The following BAALC variants were observed in gnomAD, a reference collection of about 807,000 sequenced individuals.
The protein encoded by BAALC is brain and acute leukemia cytoplasmic protein.
A neutral mutation model predicts 15.5 loss-of-function variants in BAALC; 9 were observed. The observed-to-expected ratio is 0.58, with a 90% CI of 0.35 to 1.02. The LOEUF (loss-of-function observed/expected upper bound fraction) is 1.02. Ranked by LOEUF, BAALC falls within the 50% of genes least tolerant of loss-of-function variation. The pLI is 0.02. For missense variants in BAALC, 201 were observed against 192.4 expected (o/e 1.04, Z -0.27); for synonymous variants, 80 against 74.6 (o/e 1.07, Z -0.37).
At chr8:103,147,182 C>T (rs1810895469) in intron 1 of BAALC, among the ~76,000 whole-genome samples, 1 of 152,160 alleles carries the variant, frequency 6.6e-6, no homozygotes, top group Non-Finnish European at 1.5e-5. Context: ...GATATCAGTC[C>T]ATTGAACCTT....
chr8:103,205,361 A>T (rs1378143652), intron 1 of BAALC, among the ~76,000 whole-genome samples: 4 of 152,148 alleles, frequency 2.6e-5, no homozygotes, highest in African/African-American at 7.2e-5. Context: ...CAGTGATTTG[A>T]CTTGTTTCCT....
chr8:103,202,688 T>C (rs758366949), intron 1 of BAALC: 4 of 152,226 alleles, frequency 2.6e-5, no homozygotes, highest in East Asian at 1.9e-4. Context: ...CCTAGCAATA[T>C]TGCATACCTT....
At chr8:103,170,575 T>C (rs1235735428) in intron 1 of BAALC, among the ~76,000 whole-genome samples, 1 of 152,128 alleles carries the variant, frequency 6.6e-6, no homozygotes. Context: ...CAAGGAACAC[T>C]ACGGACTGTC....
At chr8:103,175,118 G>A (rs1288687803) in intron 1 of BAALC, among the ~76,000 whole-genome samples, 1 of 152,108 alleles carries the variant, frequency 6.6e-6, no homozygotes, top group African/African-American at 2.4e-5. Flanking sequence ...CTAAACAGTT[G>A]AAAGCCCAGA....
At chr8:103,202,617 G>C (rs1345578658) in intron 1 of BAALC, among the ~76,000 whole-genome samples, 1 of 152,242 alleles carries the variant, frequency 6.6e-6, no homozygotes, top group African/African-American at 2.4e-5. Flanking sequence ...AAGAGCATAA[G>C]AGAAGTGTTT....
At chr8:103,146,588 A>G (rs1810886508) in intron 1 of BAALC, among the ~76,000 whole-genome samples, 1 of 152,210 alleles carries the variant, frequency 6.6e-6, no homozygotes, top group African/African-American at 2.4e-5. Context: ...ACCCTGAGTA[A>G]CTTCTCATAA....
At chr8:103,183,277 TG>T in intron 1 of BAALC, 1 of 692,768 alleles carries the variant, frequency 1.4e-6, no homozygotes, top group Admixed American at 2.0e-5. Context: ...CCAAAGATGA[TG>T]GGAAGTGGAG....
At chr8:103,180,643 G>A (rs983425056) in intron 1 of BAALC, among the ~76,000 whole-genome samples, 2 of 152,210 alleles carry the variant, frequency 1.3e-5, no homozygotes, top group Admixed American at 6.5e-5. Context: ...TGTAGGGAGA[G>A]GATTAGACAA....
chr8:103,154,499 C>T (rs569285005), intron 1 of BAALC: 1 of 152,992 alleles, frequency 6.5e-6, no homozygotes, highest in South Asian at 2.1e-4. Context: ...CAGCTGGGAT[C>T]ATTATTGTGT....
intron 1 of BAALC, among the ~76,000 whole-genome samples, chr8:103,143,927 C>T (rs1049056891): frequency 6.6e-6 from 1 of 152,168 alleles, no homozygotes; most frequent in Non-Finnish European, 1.5e-5. Context: ...ATTCTTCCAA[C>T]GGCCTTTCTG....
At chr8:103,224,137 G>GTGTGTT (rs1812745571) in intron 2 of BAALC, among the ~76,000 whole-genome samples, 1 of 145,566 alleles carries the variant, frequency 6.9e-6, no homozygotes, top group African/African-American at 2.6e-5. Context: ...GTGTGTGTGT[G>GTGTGTT]TTTAGCAGGC....
intron 1 of BAALC, among the ~76,000 whole-genome samples, chr8:103,170,838 TAGAAATGGAAGATGCTTTG>T (rs1318523441): frequency 6.6e-6 from 1 of 152,206 alleles, no homozygotes; most frequent in East Asian, 1.9e-4. Flanking sequence ...TCAGTATTCT[TAGAAATGGAAGATGCTTTG>T]AGAAATGGAA....
intron 1 of BAALC, among the ~76,000 whole-genome samples, chr8:103,152,731 GC>G (rs1811012427): frequency 6.6e-6 from 1 of 152,190 alleles, no homozygotes; most frequent in African/African-American, 2.4e-5. Flanking sequence ...ATGGGATTTA[GC>G]CCATGGAAGG....
chr8:103,174,522 C>T (rs1811565872), intron 1 of BAALC, among the ~76,000 whole-genome samples: 1 of 152,184 alleles, frequency 6.6e-6, no homozygotes, highest in African/African-American at 2.4e-5. Context: ...AACTTGTGAA[C>T]TGCAAAGATG....
intron 2 of BAALC, 138 bp downstream of exon 2, chr8:103,213,223 C>A: frequency 9.8e-7 from 1 of 1,021,568 alleles, no homozygotes; most frequent in Non-Finnish European, 1.4e-6. Context: ...TCTGCCCCAC[C>A]CATGTAAAAA....
At chr8:103,190,052 C>A (rs190353807) in intron 1 of BAALC, among the ~76,000 whole-genome samples, 1 of 151,844 alleles carries the variant, frequency 6.6e-6, no homozygotes, top group Admixed American at 6.6e-5. Context: ...TCGTGTCAGA[C>A]GTGATTATAG....
chr8:103,193,971 C>G (rs1812033938), intron 1 of BAALC, among the ~76,000 whole-genome samples: 1 of 152,126 alleles, frequency 6.6e-6, no homozygotes, highest in Non-Finnish European at 1.5e-5. Flanking sequence ...AAAATGGAGT[C>G]AAATTCAGAG....
intron 1 of BAALC, among the ~76,000 whole-genome samples, chr8:103,144,645 G>A (rs79562029): frequency 0.015 from 2,212 of 152,142 alleles, 68 homozygotes; most frequent in African/African-American, 0.051. Flanking sequence ...CCCAAAAATT[G>A]CATCCTTAAG....
At chr8:103,149,562 G>A (rs949090226) in intron 1 of BAALC, among the ~76,000 whole-genome samples, 6 of 152,180 alleles carry the variant, frequency 3.9e-5, no homozygotes, top group African/African-American at 1.4e-4. Context: ...TGCTGTATTT[G>A]CATCTTATAC....
Sources: allele counts gnomAD v4.1 joint callset (sites outside exome capture counted in the v4.1 genomes callset), GRCh38; gene constraint gnomAD v4.1.1; transcripts MANE v1.5; gene names NCBI Gene and HGNC (gene_info 2026-07-23, HGNC 2026-07-21).